The following FRMPD4 variants were observed in gnomAD, a reference collection of about 807,000 sequenced individuals.
FRMPD4 encodes the protein FERM and PDZ domain containing 4.
In FRMPD4, 22 loss-of-function variants were observed where a neutral mutation model predicts 94.1. That is an observed-to-expected ratio of 0.23 (90% CI 0.17 to 0.33). FRMPD4 has a LOEUF of 0.33. Ranked by LOEUF, FRMPD4 falls within the 10% of genes least tolerant of loss-of-function variation. The pLI is 1.00. For synonymous variants in FRMPD4, 631 were observed against 548.6 expected (o/e 1.15, Z -2.10); for missense variants, 1,111 against 1,339.9 (o/e 0.83, Z 2.67).
At chrX:12,313,104 G>A (rs149742138) in intron 1 of FRMPD4, among the ~76,000 whole-genome samples, 3,466 of 111,804 alleles carry the variant, frequency 0.031, 114 homozygotes, top group African/African-American at 0.1. Flanking sequence ...AAAAGTGACT[G>A]AGAAGTAATA....
chrX:12,649,916 C>G (rs2059582170), intron 4 of FRMPD4, among the ~76,000 whole-genome samples: 2 of 112,481 alleles, frequency 1.8e-5, no homozygotes, highest in South Asian at 3.7e-4. Context: ...ATCTCTTCTC[C>G]CAATTTGTTC....
chrX:12,274,877 T>C (rs1420061110), intron 1 of FRMPD4, among the ~76,000 whole-genome samples: 2 of 111,410 alleles, frequency 1.8e-5, no homozygotes, highest in Non-Finnish European at 3.8e-5. Flanking sequence ...GACGCGGTGG[T>C]GGGCACCTGT....
Position 12,301,560 on chromosome X carries a change from C to G in FRMPD4, c.41+162548C>G, listed in dbSNP as rs1180011441. ...GAACATCACTTCCTCTAGAAACTCTCACCAGTCCTCCAAAAATCAGTGTAG... is the reference window on the plus strand; with the variant it reads ...GAACATCACTTCCTCTAGAAACTCTGACCAGTCCTCCAAAAATCAGTGTAG... On this transcript the variant is annotated intron_variant, in intron 1 of 16. Coordinates refer to ENST00000675598, the MANE Select transcript of FRMPD4 (RefSeq NM_001368397.1). 4.5e-5 allele frequency among the ~76,000 whole-genome samples: 5 copies of G among 111,946 alleles called. No individual in the cohort carries two copies. In the East Asian group the frequency reaches 1.4e-3, roughly 31 times the overall value.
At chrX:12,167,196 A>G (rs1369691641) in intron 1 of FRMPD4, among the ~76,000 whole-genome samples, 2 of 111,953 alleles carry the variant, frequency 1.8e-5, no homozygotes, top group East Asian at 2.8e-4. Context: ...ATTTAGTGCT[A>G]TAAATTTCCC....
At chrX:12,138,360 C>T (rs1481037948), upstream of FRMPD4, 3 of 114,741 alleles carry the variant, frequency 2.6e-5, no homozygotes, top group African/African-American at 9.7e-5. Flanking sequence ...TAGACCAGAT[C>T]CTTCAGATCT....
chrX:11,891,478 A>G (rs2053873272), intron 3 of FRMPD4, among the ~76,000 whole-genome samples: 1 of 112,702 alleles, frequency 8.9e-6, no homozygotes, highest in Non-Finnish European at 1.9e-5. Context: ...CCAAGAAAGC[A>G]AGCTGGAGAA....
rs1026491715 is a variant in FRMPD4, at chrX:12,717,922, C to T, written c.3096C>T (p.Ala1032=). Residue 1032 remains alanine (A), a synonymous_variant, in exon 16 of 17, where the codon GCC becomes GCT. Coordinates refer to ENST00000675598, the MANE Select transcript of FRMPD4 (RefSeq NM_001368397.1). The part of the protein sequence containing the change: ...SCTSKRKSKL[A]DGEGKAPPNG... ...CTAGCAAAAGGAAAAGCAAGCTGGCCGATGGTGAGGGGAAGGCACCCCCTA... is the reference window on the plus strand; with the variant it reads ...CTAGCAAAAGGAAAAGCAAGCTGGCTGATGGTGAGGGGAAGGCACCCCCTA... The T allele has an allele frequency of 5.8e-6, 7 of 1,209,880 alleles. No individual in the cohort carries two copies. The highest frequency in any genetic ancestry group is 2.2e-5 in the Admixed American group (1 of 45,849).
chrX:12,558,146 A>T (rs2058616237), intron 2 of FRMPD4, among the ~76,000 whole-genome samples: 1 of 112,386 alleles, frequency 8.9e-6, no homozygotes, highest in African/African-American at 3.2e-5. Context: ...CTTCCCCAAA[A>T]TCTCCAAGTA....
At chrX:12,557,708 C>G (rs767231662) in intron 2 of FRMPD4, among the ~76,000 whole-genome samples, 1 of 111,481 alleles carries the variant, frequency 9.0e-6, no homozygotes, top group South Asian at 3.8e-4. Flanking sequence ...TGCCCCATCT[C>G]TCTAAGCACG....
rs1448573287 is a variant in FRMPD4, at chrX:12,178,361, A to T, written c.41+39349A>T. On this transcript the variant is annotated intron_variant, in intron 1 of 16. Coordinates refer to ENST00000675598, the MANE Select transcript of FRMPD4 (RefSeq NM_001368397.1). ...AGACACCTACCATGAGTGATTTTTT[A>T]AAAAATTAATTGATTTAGGTGTTCT... Among the ~76,000 whole-genome samples, 4 of 111,920 alleles carry T rather than the reference A, an allele frequency of 3.6e-5. No individual in the cohort carries two copies. In the East Asian group the frequency reaches 8.4e-4, roughly 23 times the overall value.
chrX:12,166,493 G>A (rs1345821991), intron 1 of FRMPD4, among the ~76,000 whole-genome samples: 1 of 111,416 alleles, frequency 9.0e-6, no homozygotes, highest in Non-Finnish European at 1.9e-5. Flanking sequence ...GTTCATCAAG[G>A]ATATTGGTCT....
intron 5 of FRMPD4, among the ~76,000 whole-genome samples, chrX:12,682,882 C>A (rs1343476318): frequency 8.9e-6 from 1 of 111,882 alleles, no homozygotes; most frequent in Admixed American, 9.5e-5. Context: ...CTCGTCTCTA[C>A]CCTGCCCAGT....
At chrX:11,948,240 C>T (rs1294142016) in intron 3 of FRMPD4, among the ~76,000 whole-genome samples, 3 of 110,997 alleles carry the variant, frequency 2.7e-5, no homozygotes, top group Non-Finnish European at 3.8e-5. Context: ...CTAATTCAGA[C>T]GTTGAAACCC....
At chrX:11,850,508 A>C (rs1360822354) in intron 1 of FRMPD4, among the ~76,000 whole-genome samples, 1 of 112,699 alleles carries the variant, frequency 8.9e-6, no homozygotes, top group Admixed American at 9.4e-5. Flanking sequence ...ATATATGTTC[A>C]TAGCAGTATT....
rs187821592 is a variant in FRMPD4 at position 12,278,922 on chromosome X, T to A, written c.41+139910T>A. Among the ~76,000 whole-genome samples the A allele has an allele frequency of 9.9e-3, 1,118 of 112,456 alleles. 8 individuals carry two copies. Among genetic ancestry groups the A allele is most frequent in the African/African-American group, 0.031 (961 of 30,987 alleles). On this transcript the variant is annotated intron_variant, in intron 1 of 16. Transcript: ENST00000675598. ...ACAGCAGTCACATATTTTATTTTTT[T>A]AATTTTATTTTGTAATCTGGGAGCA...
chrX:12,214,298 G>A (rs772273925), intron 1 of FRMPD4, among the ~76,000 whole-genome samples: 14 of 111,279 alleles, frequency 1.3e-4, no homozygotes, highest in African/African-American at 4.2e-4. Flanking sequence ...TTCTCTTGCC[G>A]TTGAATAAGC....
At chrX:11,845,592 A>G (rs1428952718) in intron 1 of FRMPD4, among the ~76,000 whole-genome samples, 1 of 107,986 alleles carries the variant, frequency 9.3e-6, no homozygotes, top group Non-Finnish European at 1.9e-5. Flanking sequence ...AGAATTTTAG[A>G]CCAATATCCT....
intron 3 of FRMPD4, among the ~76,000 whole-genome samples, chrX:12,023,425 T>G (rs770847503): frequency 8.9e-6 from 1 of 111,817 alleles, no homozygotes. Context: ...ATCTTATCAA[T>G]GAGTTTGTTC....
At chrX:12,186,936 G>A (rs141771598) in intron 1 of FRMPD4, among the ~76,000 whole-genome samples, 2,132 of 111,958 alleles carry the variant, frequency 0.019, 56 homozygotes, top group African/African-American at 0.066. Context: ...GCACAGTAGG[G>A]GTTACAGGGA....
Sources: gnomAD v4.1 joint callset for allele counts (sites outside exome capture counted in the v4.1 genomes callset) on GRCh38, gnomAD v4.1.1 for gene constraint, MANE v1.5 for transcripts, NCBI Gene and HGNC (gene_info 2026-07-23, HGNC 2026-07-21) for gene names.